Variants in OPCML observed in about 807,000 individuals in gnomAD.
OPCML encodes the protein opioid binding protein/cell adhesion molecule like.
Under a neutral mutation model 37.8 loss-of-function variants are expected in OPCML, and 13 were observed. The observed-to-expected ratio is 0.34, with a 90% CI of 0.22 to 0.55. The LOEUF is 0.55. Among genes scored for constraint, OPCML ranks in the 20% least tolerant of loss-of-function variants. OPCML has a pLI of 0.91. For synonymous variants in OPCML, 176 were observed against 168.8 expected (o/e 1.04, Z -0.33); for missense variants, 341 against 435.6 (o/e 0.78, Z 1.93).
intron 1 of OPCML, among the ~76,000 whole-genome samples, chr11:133,112,363 AAGC>A (rs1264285477): frequency 6.6e-6 from 1 of 150,442 alleles, no homozygotes; most frequent in Admixed American, 6.7e-5. Context: ...TTGAATGTAA[AAGC>A]AGAAAAATAA....
intron 2 of OPCML, among the ~76,000 whole-genome samples, chr11:132,911,485 T>G (rs1222338272): frequency 6.6e-6 from 1 of 152,074 alleles, no homozygotes; most frequent in African/African-American, 2.4e-5. Context: ...CCGAGGAGAG[T>G]TTGCCTGATT....
At chr11:132,512,790 T>C (rs1450708286) in intron 4 of OPCML, among the ~76,000 whole-genome samples, 4 of 151,872 alleles carry the variant, frequency 2.6e-5, no homozygotes, top group Non-Finnish European at 5.9e-5. Flanking sequence ...AAGTCTAATA[T>C]ATAACAGCAG....
intron 1 of OPCML, among the ~76,000 whole-genome samples, chr11:133,240,471 C>T (rs1321684523): frequency 6.6e-6 from 1 of 152,090 alleles, no homozygotes; most frequent in African/African-American, 2.4e-5. Context: ...TGTCTTTGTC[C>T]CTCATCTGGC....
At chr11:132,643,094 T>C (rs769676723) in intron 3 of OPCML, among the ~76,000 whole-genome samples, 4 of 151,938 alleles carry the variant, frequency 2.6e-5, no homozygotes, top group Non-Finnish European at 5.9e-5. Flanking sequence ...TTTTAAAAAG[T>C]TCATTCCTAC....
At chr11:133,161,259 A>G (rs528723639) in intron 1 of OPCML, among the ~76,000 whole-genome samples, 38 of 152,236 alleles carry the variant, frequency 2.5e-4, no homozygotes, top group Non-Finnish European at 3.4e-4. Context: ...AACATGTTGT[A>G]AAACAAAAGT....
At chr11:132,792,047 C>T (rs1234875529) in intron 2 of OPCML, among the ~76,000 whole-genome samples, 1 of 152,214 alleles carries the variant, frequency 6.6e-6, no homozygotes, top group Non-Finnish European at 1.5e-5. Context: ...CATCAGAGAA[C>T]GCTGTGTCTC....
rs1403598897 is a variant in OPCML at position 133,042,204 on chromosome 11, G to A, written c.62-99194C>T. 2.0e-5 allele frequency among the ~76,000 whole-genome samples: 3 copies of A among 152,204 alleles called. No homozygotes were observed. In the South Asian group the frequency reaches 6.2e-4, roughly 32 times the overall value. ...GCTGCAGCGTTCAAGGAATGCCGAG[G>A]GCCTCGCCCACGTGGCCAGCCCTTA... On this transcript the variant is annotated intron_variant, in intron 1 of 7. Transcript: ENST00000524381.
chr11:133,112,313 G>GAAAAAAAA (rs1565453484), intron 1 of OPCML, among the ~76,000 whole-genome samples: 25 of 66,328 alleles, frequency 3.8e-4, no homozygotes, highest in Non-Finnish European at 6.8e-4. Context: ...AAAAAAAAGG[G>GAAAAAAAA]GAAAGAAACA....
At chr11:132,850,103 T>C (rs531791572) in intron 2 of OPCML, among the ~76,000 whole-genome samples, 7 of 152,304 alleles carry the variant, frequency 4.6e-5, no homozygotes, top group African/African-American at 1.4e-4. Flanking sequence ...GCATTTTATT[T>C]CAAGTCTTGT....
intron 4 of OPCML, among the ~76,000 whole-genome samples, chr11:132,485,932 A>T (rs537629011): frequency 6.6e-6 from 1 of 152,296 alleles, no homozygotes; most frequent in African/African-American, 2.4e-5. Context: ...GTGCCACAGT[A>T]TAGGTGTGTG....
chr11:132,805,839 T>G (rs749914718), intron 2 of OPCML, among the ~76,000 whole-genome samples: 1 of 152,136 alleles, frequency 6.6e-6, no homozygotes, highest in Non-Finnish European at 1.5e-5. Context: ...AAATGATAAA[T>G]ATGTGGGTAA....
At position 133,357,015 on chromosome 11, in the gene OPCML, C is replaced by T. The variant is rs1481817008; in HGVS notation, c.61+175249G>A. Among the ~76,000 whole-genome samples the T allele has an allele frequency of 5.3e-5, 8 of 152,310 alleles. No individual in the cohort carries two copies. In the East Asian group the frequency reaches 1.3e-3, roughly 26 times the overall value. ...CACCCTATGTCCATACAGAGATGTA[C>T]TGAGAAAGTAGGTTATATACTTGAA... On this transcript the variant is annotated intron_variant, in intron 1 of 7. Coordinates refer to ENST00000524381, the MANE Select transcript of OPCML (RefSeq NM_001012393.5).
intron 1 of OPCML, among the ~76,000 whole-genome samples, chr11:133,180,668 G>A (rs1937782093): frequency 6.6e-6 from 1 of 152,050 alleles, no homozygotes; most frequent in South Asian, 2.1e-4. Flanking sequence ...GCTGTGAGTA[G>A]GATGAGCGTC....
rs116297610 is a variant in OPCML at position 132,485,440 on chromosome 11, T to A, written c.505+43621A>T. On this transcript the variant is annotated intron_variant, in intron 4 of 7. Coordinates refer to ENST00000524381, the MANE Select transcript of OPCML (RefSeq NM_001012393.5). The stretch of plus-strand genomic sequence containing the variant: ...GACCTTAAGTGTTTAGTTTGATGTG[T>A]TTTGGCAAGCGTGAACACTCAAGTA... Among the ~76,000 whole-genome samples the A allele has an allele frequency of 4.9e-3, 742 of 152,254 alleles. 9 individuals carry two copies. The highest frequency in any genetic ancestry group is 0.017 in the African/African-American group (721 of 41,550).
At chr11:132,603,254 A>G (rs907038089) in intron 3 of OPCML, among the ~76,000 whole-genome samples, 10 of 152,268 alleles carry the variant, frequency 6.6e-5, no homozygotes, top group Admixed American at 2.0e-4. Flanking sequence ...GGAATCTCAA[A>G]TTCAACACAC....
intron 1 of OPCML, among the ~76,000 whole-genome samples, chr11:133,531,793 A>G (rs1948610825): frequency 6.6e-6 from 1 of 151,842 alleles, no homozygotes; most frequent in East Asian, 1.9e-4. Flanking sequence ...AGAGAGAGAC[A>G]GGGAGGCGCA....
intron 4 of OPCML, among the ~76,000 whole-genome samples, chr11:132,469,190 G>C (rs1385927011): frequency 2.0e-5 from 3 of 152,180 alleles, no homozygotes; most frequent in Non-Finnish European, 4.4e-5. Flanking sequence ...TTATAGTCTA[G>C]TGAGGGAGTT....
chr11:132,525,165 T>A (rs1178718772), intron 4 of OPCML, among the ~76,000 whole-genome samples: 1 of 152,220 alleles, frequency 6.6e-6, no homozygotes, highest in Non-Finnish European at 1.5e-5. Flanking sequence ...TTTCAGAGAA[T>A]CCTCATAGTT....
intron 1 of OPCML, among the ~76,000 whole-genome samples, chr11:132,990,703 C>T (rs1211343589): frequency 6.6e-6 from 1 of 152,182 alleles, no homozygotes; most frequent in Non-Finnish European, 1.5e-5. Context: ...GGCAAACCTC[C>T]ATCATCAGAT....
Sources: gnomAD v4.1 joint callset for allele counts (sites outside exome capture counted in the v4.1 genomes callset) on GRCh38, gnomAD v4.1.1 for gene constraint, MANE v1.5 for transcripts, NCBI Gene and HGNC (gene_info 2026-07-23, HGNC 2026-07-21) for gene names.